Variants in RELN observed in about 807,000 individuals in gnomAD.
RELN encodes the protein reelin.
Under a neutral mutation model 427.6 loss-of-function variants are expected in RELN, and 108 were observed. That is an observed-to-expected ratio of 0.25 (90% CI 0.22 to 0.30). RELN has a LOEUF of 0.30. RELN is among the 10% of genes least tolerant of loss of function. The probability of loss-of-function intolerance (pLI) is 1.00; values close to 1 mark genes in which losing one functional copy is unlikely to be tolerated. For missense variants in RELN, 3,715 were observed against 4,302.8 expected, an observed-to-expected ratio of 0.86 and a Z score of 3.82; for synonymous variants, 1,524 against 1,513.4, an observed-to-expected ratio of 1.01 and a Z score of -0.16.
chr7:103,580,572 T>G (rs1318865548), intron 28 of RELN, among the ~76,000 whole-genome samples: 2 of 152,170 alleles, frequency 1.3e-5, no homozygotes, highest in Non-Finnish European at 2.9e-5. Flanking sequence ...ATATATTTAA[T>G]TAATTATTTT....
intron 64 of RELN, among the ~76,000 whole-genome samples, chr7:103,473,873 A>G (rs1827941587): frequency 6.6e-6 from 1 of 152,154 alleles, no homozygotes; most frequent in African/African-American, 2.4e-5. Context: ...GTATATTTCA[A>G]ATTCACTGAG....
At chr7:103,911,389 CT>C (rs1472190173) in intron 2 of RELN, among the ~76,000 whole-genome samples, 1 of 145,118 alleles carries the variant, frequency 6.9e-6, no homozygotes, top group Admixed American at 6.9e-5. Context: ...AATAGGAACA[CT>C]TTTACACTGT....
chr7:103,673,283 T>C (rs2115637729), intron 11 of RELN, among the ~76,000 whole-genome samples: 1 of 152,250 alleles, frequency 6.6e-6, no homozygotes, highest in East Asian at 1.9e-4. Flanking sequence ...ATCTGGCTTA[T>C]CTATTTTTTA....
intron 3 of RELN, among the ~76,000 whole-genome samples, chr7:103,814,197 A>G (rs993326758): frequency 6.6e-6 from 1 of 152,208 alleles, no homozygotes; most frequent in Non-Finnish European, 1.5e-5. Flanking sequence ...AATGGGCATA[A>G]TAACACTGCT....
intron 1 of RELN, among the ~76,000 whole-genome samples, chr7:103,961,109 C>G (rs1165655349): frequency 6.6e-6 from 1 of 152,212 alleles, no homozygotes; most frequent in Admixed American, 6.5e-5. Flanking sequence ...AGAAATAGAA[C>G]AGTAGACATG....
At position 103,640,520 on chromosome 7, in the gene RELN, A is replaced by T. The variant is rs750452678; in HGVS notation, c.2069+23T>A. The T allele has an allele frequency of 4.3e-6, 7 of 1,610,116 alleles. No individual in the cohort carries two copies. Among genetic ancestry groups the T allele is most frequent in the Non-Finnish European group, 5.1e-6 (6 of 1,176,552 alleles). Reference sequence around the variant, plus strand: ...ATTACACATCAAAAAGGAGAAGCATAAGTGTTATTTTAAGATGCTTACTTG... The same window carrying T: ...ATTACACATCAAAAAGGAGAAGCATTAGTGTTATTTTAAGATGCTTACTTG... On this transcript the variant is annotated intron_variant, in intron 17 of 64. Coordinates refer to ENST00000428762, the MANE Select transcript of RELN (RefSeq NM_005045.4). The surrounding 1 kb of genome is among the most constrained non-coding windows in gnomAD (Gnocchi z 4.1).
chr7:103,716,830 G>A (rs1212049503), intron 8 of RELN, among the ~76,000 whole-genome samples: 2 of 152,190 alleles, frequency 1.3e-5, no homozygotes, highest in African/African-American at 4.8e-5. Flanking sequence ...AATAAATTCA[G>A]AGCAAGTGGG....
intron 11 of RELN, among the ~76,000 whole-genome samples, chr7:103,670,975 A>G (rs1363620653): frequency 1.3e-5 from 2 of 152,092 alleles, no homozygotes; most frequent in African/African-American, 2.4e-5. Context: ...AAGATCCTAT[A>G]TTGACCAAAT....
chr7:103,560,477 G>A (rs1257614962), intron 36 of RELN, among the ~76,000 whole-genome samples: 2 of 152,112 alleles, frequency 1.3e-5, no homozygotes, highest in East Asian at 3.9e-4. Flanking sequence ...AGGATCAAAA[G>A]ACTAGGTTAA....
chr7:103,643,094 C>G (rs149654199), intron 16 of RELN, among the ~76,000 whole-genome samples: 1 of 152,070 alleles, frequency 6.6e-6, no homozygotes, highest in African/African-American at 2.4e-5. Flanking sequence ...AGTTTTTCTC[C>G]AGTTTCAAGA....
chr7:103,730,085 A>C (rs1790315410), intron 6 of RELN, among the ~76,000 whole-genome samples: 1 of 152,110 alleles, frequency 6.6e-6, no homozygotes, highest in Non-Finnish European at 1.5e-5. Context: ...TCATTGTGAA[A>C]TGGCTTAAGA....
chr7:103,902,928 A>C (rs944763497), intron 2 of RELN, among the ~76,000 whole-genome samples: 2 of 152,166 alleles, frequency 1.3e-5, no homozygotes, highest in African/African-American at 2.4e-5. Context: ...AATCACATCT[A>C]GGAAGCAATA....
intron 10 of RELN, among the ~76,000 whole-genome samples, chr7:103,696,667 C>T (rs1833982500): frequency 6.6e-6 from 1 of 152,200 alleles, no homozygotes; most frequent in East Asian, 1.9e-4. Flanking sequence ...CCTCTCACTC[C>T]TAATTCTGGC....
At chr7:103,635,674 T>C in intron 18 of RELN, 88 bp from the exon 19 acceptor site, 1 of 1,105,574 alleles carries the variant, frequency 9.0e-7, no homozygotes, top group Non-Finnish European at 1.4e-6. Context: ...TCAAATTATG[T>C]TTCTACTCAC....
chr7:103,478,232 A>C (rs1052533703), intron 64 of RELN, among the ~76,000 whole-genome samples, 157 bp downstream of exon 64: 17 of 152,138 alleles, frequency 1.1e-4, no homozygotes, highest in African/African-American at 3.1e-4. Flanking sequence ...ATAAGTTTCA[A>C]ATGTTCCACT....
At chr7:103,705,191 T>C (rs1302735371) in intron 8 of RELN, among the ~76,000 whole-genome samples, 1 of 152,168 alleles carries the variant, frequency 6.6e-6, no homozygotes, top group East Asian at 1.9e-4. Flanking sequence ...AATGATTAGA[T>C]CAGCCAATTA....
At chr7:103,845,828 A>G (rs1306687696) in intron 2 of RELN, among the ~76,000 whole-genome samples, 1 of 152,172 alleles carries the variant, frequency 6.6e-6, no homozygotes, top group Admixed American at 6.5e-5. Context: ...GGACCTCTTC[A>G]AGGAGAACTA....
intron 11 of RELN, 108 bp from the exon 12 acceptor site, chr7:103,661,635 T>A: frequency 9.7e-7 from 1 of 1,033,566 alleles, no homozygotes; most frequent in Non-Finnish European, 1.4e-6. Flanking sequence ...TAGTAATGAA[T>A]AATTCTGAAA....
At chr7:103,925,432 A>G (rs1795711289) in intron 1 of RELN, among the ~76,000 whole-genome samples, 2 of 152,296 alleles carry the variant, frequency 1.3e-5, no homozygotes, top group African/African-American at 2.4e-5. Context: ...ACACTTTATT[A>G]TAATTCAGAG....
Sources: gnomAD v4.1 joint callset for allele counts (sites outside exome capture counted in the v4.1 genomes callset) on GRCh38, gnomAD v4.1.1 for gene constraint, Gnocchi (gnomAD v3.1) non-coding constraint, MANE v1.5 for transcripts, NCBI Gene and HGNC (gene_info 2026-07-23, HGNC 2026-07-21) for gene names.